The following CDH9 variants were observed in gnomAD, a reference collection of about 807,000 sequenced individuals.
CDH9 encodes cadherin-9.
A neutral mutation model predicts 70.9 loss-of-function variants in CDH9; 28 were observed. The observed-to-expected ratio is 0.40, with a 90% CI of 0.29 to 0.54. CDH9 has a LOEUF of 0.54. Ranked by LOEUF, CDH9 falls within the 20% of genes least tolerant of loss-of-function variation. The pLI, the probability that CDH9 is intolerant of heterozygous loss-of-function variation, is 0.59. For synonymous variants in CDH9, 409 were observed against 343.1 expected (o/e 1.19, Z -2.12); for missense variants, 874 against 984.4 (o/e 0.89, Z 1.50).
At chr5:26,964,205 A>G (rs1742088809) in intron 2 of CDH9, among the ~76,000 whole-genome samples, 1 of 152,050 alleles carries the variant, frequency 6.6e-6, no homozygotes, top group South Asian at 2.1e-4. Flanking sequence ...ACACACACAC[A>G]CACACACATA....
chr5:26,928,317 T>G (rs1741381316), intron 2 of CDH9, among the ~76,000 whole-genome samples: 1 of 151,936 alleles, frequency 6.6e-6, no homozygotes, highest in Non-Finnish European at 1.5e-5. Flanking sequence ...TGCAATAAAA[T>G]CTATAAAACA....
At chr5:27,028,125 T>C (rs974016817) in intron 1 of CDH9, 1 of 152,120 alleles carries the variant, frequency 6.6e-6, no homozygotes, top group East Asian at 1.9e-4. Flanking sequence ...ACGCCTGTAA[T>C]CCTAGCACTT....
chr5:26,989,512 C>CTCTT (rs1742545580), intron 1 of CDH9, among the ~76,000 whole-genome samples: 3 of 148,348 alleles, frequency 2.0e-5, no homozygotes, highest in African/African-American at 7.4e-5. Flanking sequence ...TTCTCTGTCT[C>CTCTT]TCTCTCTCTC....
intron 2 of CDH9, among the ~76,000 whole-genome samples, chr5:26,960,345 T>C (rs1406391706): frequency 6.6e-6 from 1 of 152,008 alleles, no homozygotes; most frequent in Non-Finnish European, 1.5e-5. Flanking sequence ...ACCTCCCATA[T>C]GCTGCTTCTA....
intron 2 of CDH9, among the ~76,000 whole-genome samples, chr5:26,957,135 G>A (rs1365984948): frequency 1.3e-5 from 2 of 150,056 alleles, no homozygotes; most frequent in African/African-American, 4.9e-5. Context: ...TGATTTTTAT[G>A]TATTTTCCTG....
In CDH9 at chr5:26,995,539, T is replaced by C. The variant is rs554785608; in HGVS notation, c.-49-7157A>G. 2.0e-5 allele frequency among the ~76,000 whole-genome samples: 3 copies of C among 152,258 alleles called. No homozygotes were observed. The East Asian group carries it at 5.8e-4, about 29-fold the overall frequency. ...CTTCTTTATTTTTCTCATAATTCTT[T>C]ATAAATTTATTTTTCATTTAGAGAA... is the stretch of plus-strand genomic sequence containing the variant. On this transcript the variant is annotated intron_variant, in intron 1 of 11. Coordinates refer to ENST00000231021, the MANE Select transcript of CDH9 (RefSeq NM_016279.4).
intron 2 of CDH9, among the ~76,000 whole-genome samples, chr5:26,917,946 G>T (rs1741176608): frequency 2.0e-5 from 3 of 152,078 alleles, no homozygotes; most frequent in Admixed American, 2.0e-4. Context: ...TGTTATATTG[G>T]CCTGTGGTTT....
chr5:26,924,644 A>G (rs1042602905), intron 2 of CDH9, among the ~76,000 whole-genome samples: 2 of 151,562 alleles, frequency 1.3e-5, no homozygotes, highest in African/African-American at 2.4e-5. Flanking sequence ...GGTTTGCTGC[A>G]CCCATTAACT....
At chr5:27,003,418 A>C (rs1742805545) in intron 1 of CDH9, among the ~76,000 whole-genome samples, 2 of 152,098 alleles carry the variant, frequency 1.3e-5, no homozygotes. Flanking sequence ...ATTTCCTTCC[A>C]AAAAGGACAG....
At chr5:26,953,685 T>A (rs189856968) in intron 2 of CDH9, among the ~76,000 whole-genome samples, 1 of 152,320 alleles carries the variant, frequency 6.6e-6, no homozygotes, top group East Asian at 1.9e-4. Flanking sequence ...TTTTGTTTCC[T>A]CTCTCTCATC....
At chr5:26,914,161 G>A (rs1197886464) in intron 3 of CDH9, among the ~76,000 whole-genome samples, 6 of 151,718 alleles carry the variant, frequency 4.0e-5, no homozygotes, top group African/African-American at 2.4e-5. Flanking sequence ...TTCTGGGGAA[G>A]GATAAGTGAA....
At chr5:26,906,272 A>G in intron 4 of CDH9, 146 bp from the exon 5 acceptor site, 1 of 650,804 alleles carries the variant, frequency 1.5e-6, no homozygotes, top group Non-Finnish European at 2.6e-6. Flanking sequence ...TAACCACTTT[A>G]AGATAATTCA....
chr5:27,014,767 T>C (rs1308150349), intron 1 of CDH9, among the ~76,000 whole-genome samples: 2 of 151,924 alleles, frequency 1.3e-5, no homozygotes, highest in Admixed American at 6.6e-5. Context: ...CACTGGTTCA[T>C]ACAAGAACCT....
intron 1 of CDH9, among the ~76,000 whole-genome samples, chr5:27,034,556 T>G (rs1157624079): frequency 1.3e-5 from 2 of 151,430 alleles, no homozygotes; most frequent in East Asian, 3.9e-4. Flanking sequence ...AAAATATAAA[T>G]AAATAAATAA....
intron 5 of CDH9, 82 bp downstream of exon 5, chr5:26,905,877 T>C (rs865903351): frequency 1.0e-6 from 1 of 988,346 alleles, no homozygotes. Flanking sequence ...GCAAAACTAC[T>C]AGTATGAAAT....
intron 2 of CDH9, among the ~76,000 whole-genome samples, chr5:26,963,851 T>C (rs999148324): frequency 2.4e-4 from 37 of 152,212 alleles, no homozygotes; most frequent in African/African-American, 7.5e-4. Flanking sequence ...TTAATTGGAA[T>C]GTATAGGTTA....
intron 1 of CDH9, among the ~76,000 whole-genome samples, chr5:27,026,304 G>C (rs1743220759): frequency 6.6e-6 from 1 of 151,720 alleles, no homozygotes; most frequent in Non-Finnish European, 1.5e-5. Context: ...AAATTAACTA[G>C]AGTTAGAATT....
chr5:26,891,427 C>T (rs1212374949), intron 7 of CDH9, among the ~76,000 whole-genome samples: 1 of 152,070 alleles, frequency 6.6e-6, no homozygotes, highest in Admixed American at 6.5e-5. Context: ...GCCTGTAATC[C>T]CAAAATTTTG....
chr5:26,909,812 A>G (rs555751917), intron 3 of CDH9, among the ~76,000 whole-genome samples: 92 of 152,124 alleles, frequency 6.0e-4, no homozygotes, highest in African/African-American at 2.1e-3. Flanking sequence ...GGAAAATTTC[A>G]AAGACTCAAA....
Sources: allele counts gnomAD v4.1 joint callset (sites outside exome capture counted in the v4.1 genomes callset), GRCh38; gene constraint gnomAD v4.1.1; transcripts MANE v1.5; gene names NCBI Gene and HGNC (gene_info 2026-07-23, HGNC 2026-07-21).